Variants in SIN3A observed in about 807,000 individuals in gnomAD.
The protein encoded by SIN3A is SIN3 transcription regulator family member A.
SIN3A carries 14 observed loss-of-function variants against 146.1 expected under a neutral mutation model. That is an observed-to-expected ratio of 0.10 (90% CI 0.06 to 0.15). The LOEUF is 0.15. Among genes scored for constraint, SIN3A ranks in the 10% least tolerant of loss-of-function variants. SIN3A has a pLI of 1.00. For synonymous variants in SIN3A, 572 were observed against 572.0 expected (o/e 1.00, Z 0.00); for missense variants, 1,028 against 1,576.0 (o/e 0.65, Z 5.89).
At chr15:75,420,548 T>C (rs2073824773) in intron 3 of SIN3A, 1 of 152,118 alleles carries the variant, frequency 6.6e-6, no homozygotes, top group South Asian at 2.1e-4. Context: ...CCACCATGCC[T>C]GGCTCATTTT....
chr15:75,399,865 C>T (rs773984448), intron 12 of SIN3A, among the ~76,000 whole-genome samples, 175 bp downstream of exon 12: 13 of 152,222 alleles, frequency 8.5e-5, no homozygotes, highest in Admixed American at 2.6e-4. Flanking sequence ...AAAGCATGTA[C>T]TAATATATAC....
chr15:75,396,245 T>C lies in SIN3A; in HGVS notation c.2093+13A>G, dbSNP rs769340972. 4 of 1,583,972 alleles carry C rather than the reference T, an allele frequency of 2.5e-6. No individual in the cohort carries two copies. The African/African-American group carries it at 5.4e-5, about 21-fold the overall frequency. ...AGTACACTAAAGCACTAAGGGCACA[T>C]TTGCTCATGTACCTTTTAAGGACAA... is the stretch of plus-strand genomic sequence containing the variant. On this transcript the variant is annotated intron_variant, in intron 13 of 20. Transcript: ENST00000394947.
At chr15:75,442,315 G>A (rs898238193) in intron 1 of SIN3A, among the ~76,000 whole-genome samples, 16 of 150,846 alleles carry the variant, frequency 1.1e-4, no homozygotes, top group African/African-American at 3.6e-4. Flanking sequence ...TTGGCAAAGT[G>A]CAGTGGTTTT....
At chr15:75,438,283 T>C (rs1177193149) in intron 1 of SIN3A, among the ~76,000 whole-genome samples, 1 of 152,044 alleles carries the variant, frequency 6.6e-6, no homozygotes, top group Non-Finnish European at 1.5e-5. Context: ...AAGAATCGCT[T>C]GAACCCAGGG....
chr15:75,422,790 C>T lies in SIN3A; in HGVS notation c.223G>A (p.Gly75Arg). ...CTATGAACTGCTGCTATAGCGGGCC[C>T]ATGACTGCCGGAGCTCTGTGGCATG... The part of the protein sequence containing the change: ...SAMPQSSGSH[G>R]PAIAAVHSSH... Residue 75 changes from glycine to arginine, a missense_variant, in exon 3 of 21, where the codon GGG (glycine) becomes AGG (arginine). Physicochemically the swap from Gly to Arg is moderately radical, Grantham distance 125. Coordinates refer to ENST00000394947, the MANE Select transcript of SIN3A (RefSeq NM_001145358.2). The T allele has an allele frequency of 6.2e-7, 1 of 1,614,028 alleles. No individual in the cohort carries two copies. The highest frequency in any genetic ancestry group is 8.5e-7 in the Non-Finnish European group (1 of 1,179,908).
At chr15:75,447,317 T>C (rs1425783901) in intron 1 of SIN3A, among the ~76,000 whole-genome samples, 1 of 152,186 alleles carries the variant, frequency 6.6e-6, no homozygotes, top group Non-Finnish European at 1.5e-5. Flanking sequence ...TTCTGGATAG[T>C]ATTTTGAATA....
chr15:75,443,260 GGAA>G, intron 1 of SIN3A, among the ~76,000 whole-genome samples: 1 of 152,248 alleles, frequency 6.6e-6, no homozygotes, highest in Non-Finnish European at 1.5e-5. Flanking sequence ...CATTATAGGA[GGAA>G]GATGAAAAAC....
chr15:75,417,407 A>G (rs189450627), intron 3 of SIN3A, among the ~76,000 whole-genome samples: 7 of 148,530 alleles, frequency 4.7e-5, no homozygotes, highest in African/African-American at 1.7e-4. Context: ...TGGGAGTCTC[A>G]TTTTGTCTCC....
At chr15:75,435,326 G>C (rs1042177598) in intron 1 of SIN3A, among the ~76,000 whole-genome samples, 1 of 152,118 alleles carries the variant, frequency 6.6e-6, no homozygotes, top group Non-Finnish European at 1.5e-5. Flanking sequence ...TGCATATTAT[G>C]GAAAACTATG....
intron 9 of SIN3A, among the ~76,000 whole-genome samples, chr15:75,404,559 G>A (rs2073471940): frequency 6.6e-6 from 1 of 151,916 alleles, no homozygotes; most frequent in Admixed American, 6.6e-5. Context: ...TCAGGAGTTC[G>A]AGACAGCCTG....
chr15:75,416,340 T>G (rs992877894), intron 3 of SIN3A, among the ~76,000 whole-genome samples: 5 of 152,142 alleles, frequency 3.3e-5, no homozygotes, highest in African/African-American at 1.2e-4. Context: ...ACTTATTTAT[T>G]TAGAGACAGA....
chr15:75,417,001 C>G (rs1178723415), intron 3 of SIN3A, among the ~76,000 whole-genome samples: 1 of 150,870 alleles, frequency 6.6e-6, no homozygotes. Flanking sequence ...CTGTTCAGAG[C>G]ATCAAATGAG....
chr15:75,446,598 C>T (rs2074311515), intron 1 of SIN3A, among the ~76,000 whole-genome samples: 1 of 151,466 alleles, frequency 6.6e-6, no homozygotes, highest in South Asian at 2.1e-4. Context: ...CTCAAGCAAT[C>T]CTCCTGCCTC....
chr15:75,413,363 C>G (rs567178403), intron 4 of SIN3A, among the ~76,000 whole-genome samples: 1 of 151,948 alleles, frequency 6.6e-6, no homozygotes, highest in African/African-American at 2.4e-5. Context: ...TCAGGTGATC[C>G]GCCCACCTTG....
At chr15:75,387,636 T>C (rs1233632342) in intron 16 of SIN3A, among the ~76,000 whole-genome samples, 1 of 150,608 alleles carries the variant, frequency 6.6e-6, no homozygotes, top group Non-Finnish European at 1.5e-5. Context: ...CCAGATACAG[T>C]AAATAATTGT....
intron 1 of SIN3A, among the ~76,000 whole-genome samples, chr15:75,434,335 T>TA (rs1567409159): frequency 6.6e-6 from 1 of 152,138 alleles, no homozygotes; most frequent in Non-Finnish European, 1.5e-5. Context: ...AAACCATATA[T>TA]AGCCTCACTA....
At chr15:75,398,400 G>A (rs1249513910) in intron 12 of SIN3A, among the ~76,000 whole-genome samples, 1 of 152,138 alleles carries the variant, frequency 6.6e-6, no homozygotes, top group Non-Finnish European at 1.5e-5. Flanking sequence ...CCTGGGACAG[G>A]CGCAGTGGCT....
intron 1 of SIN3A, among the ~76,000 whole-genome samples, chr15:75,446,556 G>A (rs990575786): frequency 2.0e-5 from 3 of 151,536 alleles, no homozygotes; most frequent in African/African-American, 7.3e-5. Flanking sequence ...CAGTGGCACA[G>A]TCATGGCTCA....
At chr15:75,399,444 C>T (rs1384176762) in intron 12 of SIN3A, among the ~76,000 whole-genome samples, 5 of 152,276 alleles carry the variant, frequency 3.3e-5, no homozygotes, top group Middle Eastern at 3.4e-3. Context: ...AGGAGAATGG[C>T]ATGAACCTGG....
Sources: allele counts gnomAD v4.1 joint callset (sites outside exome capture counted in the v4.1 genomes callset), GRCh38; gene constraint gnomAD v4.1.1; transcripts MANE v1.5; gene names NCBI Gene and HGNC (gene_info 2026-07-23, HGNC 2026-07-21).